ATE1: variants seen among roughly 807,000 people sequenced by gnomAD.
ATE1 encodes the protein arginyl-tRNA--protein transferase 1.
In ATE1, 36 loss-of-function variants were observed where a neutral mutation model predicts 70.5. The observed-to-expected ratio is 0.51, with a 90% confidence interval of 0.39 to 0.67. The LOEUF is 0.67. Among genes scored for constraint, ATE1 ranks in the 30% least tolerant of loss-of-function variants. The pLI is 0.00. For synonymous variants in ATE1, 232 were observed against 219.3 expected, an observed-to-expected ratio of 1.06 and a Z score of -0.51; for missense variants, 593 against 629.5, an observed-to-expected ratio of 0.94 and a Z score of 0.62.
chr10:121,768,690 T>G (rs1408917203), intron 11 of ATE1, among the ~76,000 whole-genome samples: 3 of 152,186 alleles, frequency 2.0e-5, no homozygotes, highest in Non-Finnish European at 4.4e-5. Context: ...GTGTCAATGT[T>G]TCTTCAAAAC....
rs961854744 is a variant in ATE1, at chr10:121,853,751, T to C, written c.976-12488A>G. On this transcript the variant is annotated intron_variant, in intron 8 of 11. Transcript: ENST00000224652. ...GTCTATCCAGGCTGCTATAACAATA[T>C]ACCTTAGACTGGGCATTTTATAAAG... 3.3e-5 allele frequency among the ~76,000 whole-genome samples: 5 copies of C among 152,256 alleles called. 1 individual carries two copies. In the Middle Eastern group the frequency reaches 0.017, roughly 518 times the overall value.
At chr10:121,758,596 T>C (rs1045199705) in intron 11 of ATE1, among the ~76,000 whole-genome samples, 1 of 152,216 alleles carries the variant, frequency 6.6e-6, no homozygotes, top group Non-Finnish European at 1.5e-5. Flanking sequence ...TAACCATACG[T>C]TATTTTGCTG....
intron 11 of ATE1, among the ~76,000 whole-genome samples, chr10:121,768,431 CA>C (rs1290941164): frequency 6.6e-6 from 1 of 151,902 alleles, no homozygotes; most frequent in Non-Finnish European, 1.5e-5. Flanking sequence ...CAAATTGGGT[CA>C]TTCTTGTCAT....
At chr10:121,898,555 G>A (rs1161732850) in intron 7 of ATE1, among the ~76,000 whole-genome samples, 1 of 152,136 alleles carries the variant, frequency 6.6e-6, no homozygotes, top group Non-Finnish European at 1.5e-5. Context: ...TGCACAGTCT[G>A]GCACACGATG....
intron 8 of ATE1, among the ~76,000 whole-genome samples, chr10:121,846,215 C>T (rs1483166099): frequency 2.0e-5 from 3 of 151,252 alleles, no homozygotes; most frequent in African/African-American, 4.9e-5. Flanking sequence ...GCAACCAATG[C>T]ACAAAGCCAG....
chr10:121,927,850 A>C lies in ATE1; in HGVS notation c.100T>G (p.Ser34Ala), dbSNP rs1280499811. 3.2e-6 allele frequency: 5 copies of C among 1,575,504 alleles called. No homozygotes were observed. Among genetic ancestry groups the C allele is most frequent in the Non-Finnish European group, 4.3e-6 (5 of 1,163,772 alleles). Residue 34 changes from serine (S) to alanine (A), a missense_variant, in exon 1 of 12, where the codon TCC (serine) becomes GCC (alanine). Transcript: ENST00000224652. The part of the protein sequence containing the change: ...GYCKNESGSR[S>A]NGMWAHSMTV... The stretch of plus-strand genomic sequence containing the variant: ...GCCGGCCCGGCTCGCTCACCATTGG[A>C]GCGGCTGCCCGACTCGTTCTTGCAG...
intron 10 of ATE1, among the ~76,000 whole-genome samples, 162 bp downstream of exon 10, chr10:121,836,556 G>A (rs918534111): frequency 2.6e-5 from 4 of 152,120 alleles, no homozygotes; most frequent in African/African-American, 9.7e-5. Context: ...AGAGGCTGTG[G>A]TTCTCATTAC....
At chr10:121,818,986 A>G (rs1947675014) in intron 10 of ATE1, among the ~76,000 whole-genome samples, 1 of 152,218 alleles carries the variant, frequency 6.6e-6, no homozygotes, top group Non-Finnish European at 1.5e-5. Flanking sequence ...AGCAATCACA[A>G]TAATACCAAC....
chr10:121,848,452 A>G (rs1160772748), intron 8 of ATE1, among the ~76,000 whole-genome samples: 1 of 151,572 alleles, frequency 6.6e-6, no homozygotes, highest in Non-Finnish European at 1.5e-5. Context: ...CCCCGTCTCT[A>G]CTAAAAATAC....
chr10:121,815,631 C>T (rs879066110), intron 10 of ATE1, among the ~76,000 whole-genome samples: 24 of 152,220 alleles, frequency 1.6e-4, no homozygotes, highest in African/African-American at 2.9e-4. Context: ...ATGAATTAGA[C>T]GGAAACTTCT....
rs1948753277 is a variant in ATE1, at chr10:121,844,778, C to T, written c.976-3515G>A. On this transcript the variant is annotated intron_variant, in intron 8 of 11. Coordinates refer to ENST00000224652, the MANE Select transcript of ATE1 (RefSeq NM_001001976.3). ...AATAGAATAACTATCAAGACACACACACGAGAAACTTTACATATTGCTAAG... is the reference window on the plus strand; with the variant it reads ...AATAGAATAACTATCAAGACACACATACGAGAAACTTTACATATTGCTAAG... 2.6e-5 allele frequency among the ~76,000 whole-genome samples: 4 copies of T among 152,080 alleles called. No homozygotes were observed. In the South Asian group the frequency reaches 8.3e-4, roughly 32 times the overall value.
upstream of ATE1, chr10:121,928,051 C>G (rs1228274328): frequency 2.4e-6 from 3 of 1,225,370 alleles, no homozygotes; most frequent in African/African-American, 4.8e-5. Context: ...CCTCCCGAGG[C>G]TCGCGCGAAG....
chr10:121,898,820 G>A, intron 7 of ATE1: 1 of 1,611,830 alleles, frequency 6.2e-7, no homozygotes, highest in Non-Finnish European at 8.5e-7. Context: ...TATCAACACA[G>A]AAAACAACAG....
chr10:121,899,800 A>T, intron 7 of ATE1, 66 bp downstream of exon 7: 1 of 1,552,270 alleles, frequency 6.4e-7, no homozygotes, highest in Non-Finnish European at 8.7e-7. Flanking sequence ...CCAAGATTTC[A>T]TTAAATGATA....
intron 11 of ATE1, among the ~76,000 whole-genome samples, chr10:121,748,265 T>C (rs912578321): frequency 2.0e-5 from 3 of 152,188 alleles, no homozygotes; most frequent in Non-Finnish European, 4.4e-5. Flanking sequence ...AAATAAAATG[T>C]CATCCTTTAA....
chr10:121,770,734 T>A (rs1369335708), intron 11 of ATE1, among the ~76,000 whole-genome samples: 28 of 140,826 alleles, frequency 2.0e-4, no homozygotes, highest in Non-Finnish European at 2.2e-4. Context: ...TTTCCTTAAC[T>A]AAAAAAAAAA....
In ATE1 at chr10:121,841,228, A is replaced by G. The variant is rs748466665; in HGVS notation, c.1011T>C (p.Tyr337=). 2.6e-6 allele frequency: 4 copies of G among 1,555,192 alleles called. No individual in the cohort carries two copies. The Admixed American group carries it at 5.2e-5, about 20-fold the overall frequency. ...GCCAGTACTGCTGGTGAAAGGAGCC[A>G]TAGCCACAATCTGGCCCATTAGGGG... The part of the protein sequence containing the change: ...ETPPNGPDCG[Y]GSFHQQYWLD... The change falls in exon 9 of 12, where the codon TAT becomes TAC. Residue 337 remains tyrosine, a synonymous_variant. Transcript: ENST00000224652.
In ATE1 at chr10:121,910,929, TTAAC is replaced by T; in HGVS notation, c.556_559del (p.Val186LysfsTer14). On this transcript the variant is annotated frameshift_variant, in exon 5 of 12. Transcript: ENST00000224652. LOFTEE classifies it high-confidence loss of function. ...ACCTGGCTTAGGAACTGTGTGAACT[TTAAC>T]TGAATGTGACGGTTCACCAGAGCCC... 4 of 1,613,598 alleles carry T rather than the reference TTAAC, an allele frequency of 2.5e-6. No homozygotes were observed. The highest frequency in any genetic ancestry group is 3.4e-6 in the Non-Finnish European group (4 of 1,179,934).
In ATE1 at chr10:121,901,734, G is replaced by A. The variant is rs192572337; in HGVS notation, c.813+657C>T. Among the ~76,000 whole-genome samples the A allele has an allele frequency of 4.6e-5, 7 of 152,282 alleles. No homozygotes were observed. The East Asian group carries it at 1.3e-3, about 29-fold the overall frequency. ...GCCTACCAAAGTGCTAGGATTACAG[G>A]TGTGAGCCACCACATCCAGCCCTTG... On this transcript the variant is annotated intron_variant, in intron 6 of 11. Transcript: ENST00000224652.
Sources: gnomAD v4.1 joint callset for allele counts (sites outside exome capture counted in the v4.1 genomes callset) on GRCh38, gnomAD v4.1.1 for gene constraint, MANE v1.5 for transcripts, NCBI Gene and HGNC (gene_info 2026-07-23, HGNC 2026-07-21) for gene names.